SEC22A: variants seen among roughly 807,000 people sequenced by gnomAD.
The protein encoded by SEC22A is vesicle-trafficking protein SEC22a.
SEC22A carries 22 observed loss-of-function variants against 35.3 expected under a neutral mutation model. The ratio of observed to expected loss-of-function variants is 0.62; its 90% CI spans 0.45 to 0.89. The LOEUF (loss-of-function observed/expected upper bound fraction) is 0.89. Ranked by LOEUF, SEC22A falls within the 40% of genes least tolerant of loss-of-function variation. The pLI is 0.00. For missense variants in SEC22A, 354 were observed against 362.5 expected (o/e 0.98, Z 0.19); for synonymous variants, 119 against 129.5 (o/e 0.92, Z 0.55).
intron 4 of SEC22A, among the ~76,000 whole-genome samples, chr3:123,229,816 C>T (rs1313952623): frequency 3.3e-5 from 5 of 151,516 alleles, no homozygotes; most frequent in Admixed American, 1.3e-4. Flanking sequence ...GAGCCGAGAT[C>T]GCGCCACTGT....
chr3:123,242,222 C>A (rs565799242), intron 4 of SEC22A, among the ~76,000 whole-genome samples: 1 of 147,996 alleles, frequency 6.8e-6, no homozygotes, highest in Non-Finnish European at 1.5e-5. Context: ...CCTTCAGTTG[C>A]AGACCTCGTC....
chr3:123,250,405 G>A (rs894586159), intron 5 of SEC22A, among the ~76,000 whole-genome samples: 45 of 146,370 alleles, frequency 3.1e-4, no homozygotes, highest in South Asian at 8.8e-4. Flanking sequence ...GTGAGACTCC[G>A]TCTCAAAAAA....
At position 123,209,390 on chromosome 3, in the gene SEC22A, A is replaced by G. The variant is rs544597225; in HGVS notation, c.173A>G (p.Tyr58Cys). The change falls in exon 2 of 7, where the codon TAT becomes TGT. Residue 58 changes from tyrosine (Y) to cysteine (C), a missense_variant. By Grantham distance (194) the Tyr-to-Cys change is radical. Transcript: ENST00000492595. ...PDRCTLKTGH[Y>C]NINFISSLGV... ...AGATGTACACTGAAAACTGGACATT[A>G]TAACATTAAGTAAGACTTCAGTTTG... 2 of 1,610,116 alleles carry G rather than the reference A, an allele frequency of 1.2e-6. No homozygotes were observed. Among genetic ancestry groups the G allele is most frequent in the Non-Finnish European group, 1.7e-6 (2 of 1,176,878 alleles).
intron 6 of SEC22A, among the ~76,000 whole-genome samples, chr3:123,260,387 A>G (rs995410191): frequency 1.3e-5 from 2 of 152,178 alleles, no homozygotes; most frequent in Non-Finnish European, 2.9e-5. Flanking sequence ...GGTAGAAGGT[A>G]ATGAAAGCCA....
intron 2 of SEC22A, among the ~76,000 whole-genome samples, chr3:123,216,509 AT>A (rs1443508399): frequency 6.6e-6 from 1 of 152,212 alleles, no homozygotes; most frequent in Non-Finnish European, 1.5e-5. Context: ...AAATATTTTC[AT>A]TTTTAATGAT....
chr3:123,260,366 T>G (rs1937862471), intron 6 of SEC22A, among the ~76,000 whole-genome samples: 1 of 152,096 alleles, frequency 6.6e-6, no homozygotes, highest in East Asian at 1.9e-4. Flanking sequence ...TGGTTTGGAA[T>G]TATTACTACA....
chr3:123,257,686 G>C (rs1047705541), intron 5 of SEC22A, among the ~76,000 whole-genome samples: 1 of 146,874 alleles, frequency 6.8e-6, no homozygotes, highest in Non-Finnish European at 1.5e-5. Flanking sequence ...GTGATAGAAC[G>C]AGACTCAATC....
intron 4 of SEC22A, among the ~76,000 whole-genome samples, chr3:123,239,505 C>T (rs1158870202): frequency 1.3e-5 from 2 of 151,706 alleles, no homozygotes; most frequent in Non-Finnish European, 2.9e-5. Context: ...GTCCATGTGT[C>T]CATGTGTTCT....
At chr3:123,214,380 G>A (rs938993628) in intron 2 of SEC22A, among the ~76,000 whole-genome samples, 6 of 152,178 alleles carry the variant, frequency 3.9e-5, no homozygotes, top group African/African-American at 1.2e-4. Context: ...TGTGCATGTC[G>A]TAGTAGCTAC....
At chr3:123,232,209 C>T (rs569266938) in intron 4 of SEC22A, among the ~76,000 whole-genome samples, 5 of 152,254 alleles carry the variant, frequency 3.3e-5, no homozygotes. Context: ...CACTGCACTC[C>T]ACCCTGGGTG....
intron 2 of SEC22A, among the ~76,000 whole-genome samples, chr3:123,216,101 C>T (rs953353317): frequency 6.6e-6 from 1 of 152,176 alleles, no homozygotes; most frequent in African/African-American, 2.4e-5. Context: ...GCAAAATGTA[C>T]AGCTTTTCAG....
chr3:123,205,703 AC>A (rs1936841177), intron 1 of SEC22A, among the ~76,000 whole-genome samples: 1 of 152,096 alleles, frequency 6.6e-6, no homozygotes, highest in African/African-American at 2.4e-5. Flanking sequence ...AAACAAAAAA[AC>A]AACAAAAAAA....
chr3:123,215,748 T>C (rs931995716), intron 2 of SEC22A, among the ~76,000 whole-genome samples: 1 of 152,210 alleles, frequency 6.6e-6, no homozygotes, highest in East Asian at 1.9e-4. Context: ...GCTGCTGCTC[T>C]TTACCCTTAA....
At chr3:123,211,823 T>A (rs1369469966) in intron 2 of SEC22A, among the ~76,000 whole-genome samples, 1 of 152,054 alleles carries the variant, frequency 6.6e-6, no homozygotes, top group Non-Finnish European at 1.5e-5. Context: ...ATCTCAGCAC[T>A]TTGAGAGGCC....
intron 2 of SEC22A, among the ~76,000 whole-genome samples, chr3:123,221,470 CAAAAA>C (rs56800842): frequency 3.3e-5 from 2 of 60,612 alleles, no homozygotes; most frequent in African/African-American, 6.8e-5. Flanking sequence ...GAGTCCATCT[CAAAAA>C]AAAAAAAAAA....
In SEC22A at chr3:123,225,134, T is replaced by C. The variant is rs780276051; in HGVS notation, c.378T>C (p.Tyr126=). 4 of 1,612,028 alleles carry C rather than the reference T, an allele frequency of 2.5e-6. No individual in the cohort carries two copies. In the African/African-American group the frequency reaches 4.0e-5, roughly 16 times the overall value. Residue 126 remains tyrosine, a synonymous_variant, in exon 4 of 7, where the codon TAT becomes TAC. Coordinates refer to ENST00000492595, the MANE Select transcript of SEC22A (RefSeq NM_012430.5). ...TCATTCAGAGGACCAAGCAGCGATA[T>C]AATAATCCCAGGTCTCTTTCAACAA... is the stretch of plus-strand genomic sequence containing the variant. The part of the protein sequence containing the change: ...DNFIQRTKQR[Y]NNPRSLSTKI...
intron 5 of SEC22A, among the ~76,000 whole-genome samples, chr3:123,256,694 C>G (rs369448749): frequency 3.3e-5 from 5 of 151,804 alleles, no homozygotes; most frequent in Non-Finnish European, 5.9e-5. Context: ...TATTGACTTA[C>G]GTATCTGCCT....
chr3:123,254,418 A>T (rs1937674129), intron 5 of SEC22A, among the ~76,000 whole-genome samples: 1 of 152,176 alleles, frequency 6.6e-6, no homozygotes, highest in Non-Finnish European at 1.5e-5. Flanking sequence ...ATTCATAAAA[A>T]TGTGTATTGG....
chr3:123,214,023 A>G (rs1936982312), intron 2 of SEC22A, among the ~76,000 whole-genome samples: 1 of 146,606 alleles, frequency 6.8e-6, no homozygotes, highest in Non-Finnish European at 1.5e-5. Flanking sequence ...GTCTCTACTA[A>G]AAATAAAAAA....
Sources: allele counts gnomAD v4.1 joint callset (sites outside exome capture counted in the v4.1 genomes callset), GRCh38; gene constraint gnomAD v4.1.1; transcripts MANE v1.5; gene names NCBI Gene and HGNC (gene_info 2026-07-23, HGNC 2026-07-21).